Variants in GPM6A observed in about 807,000 individuals in gnomAD.
GPM6A encodes glycoprotein M6A, also known as neuronal membrane glycoprotein M6-a.
GPM6A carries 7 observed loss-of-function variants against 32.1 expected under a neutral mutation model. The ratio of observed to expected loss-of-function variants is 0.22; its 90% confidence interval spans 0.12 to 0.41. GPM6A has a LOEUF of 0.41. Ranked by LOEUF, GPM6A falls within the 10% of genes least tolerant of loss-of-function variation. The pLI, the probability that GPM6A is intolerant of heterozygous loss-of-function variation, is 1.00. For synonymous variants in GPM6A, 130 were observed against 123.4 expected (o/e 1.05, Z -0.35); for missense variants, 235 against 347.2 (o/e 0.68, Z 2.57).
At chr4:175,676,187 C>T (rs1007183375) in intron 2 of GPM6A, among the ~76,000 whole-genome samples, 2 of 152,154 alleles carry the variant, frequency 1.3e-5, no homozygotes, top group African/African-American at 4.8e-5. Context: ...CTCCAGTTGG[C>T]TGAACTGTGA....
intron 6 of GPM6A, among the ~76,000 whole-genome samples, chr4:175,639,718 G>GT (rs987958736): frequency 6.6e-6 from 1 of 151,140 alleles, no homozygotes; most frequent in Admixed American, 6.6e-5. Context: ...ACTGACATTT[G>GT]TTTTTTTTAA....
chr4:175,801,880 AT>A (rs1734486067), intron 1 of GPM6A, among the ~76,000 whole-genome samples: 1 of 152,102 alleles, frequency 6.6e-6, no homozygotes, highest in Admixed American at 6.5e-5. Context: ...GGGCAAAAAT[AT>A]TTTTGATATT....
At chr4:175,818,882 G>C (rs1735192470) in intron 1 of GPM6A, among the ~76,000 whole-genome samples, 1 of 152,146 alleles carries the variant, frequency 6.6e-6, no homozygotes, top group Non-Finnish European at 1.5e-5. Flanking sequence ...CTTTCCTCTA[G>C]GAAGGGAAAG....
At chr4:175,914,480 G>A (rs1579622507) in intron 1 of GPM6A, among the ~76,000 whole-genome samples, 4 of 151,964 alleles carry the variant, frequency 2.6e-5, no homozygotes, top group East Asian at 1.9e-4. Flanking sequence ...ATGCCACCAC[G>A]ACCAGTTAAT....
intron 1 of GPM6A, among the ~76,000 whole-genome samples, chr4:175,953,623 C>T (rs1243300607): frequency 1.3e-5 from 2 of 152,108 alleles, no homozygotes; most frequent in Non-Finnish European, 2.9e-5. Context: ...CCATGGAGGT[C>T]GGGCGCAGTG....
intron 2 of GPM6A, among the ~76,000 whole-genome samples, chr4:175,691,936 C>T (rs1744322799): frequency 6.6e-6 from 1 of 152,152 alleles, no homozygotes; most frequent in African/African-American, 2.4e-5. Flanking sequence ...GGACAGGGAC[C>T]ATGAGCCAAG....
intron 1 of GPM6A, among the ~76,000 whole-genome samples, chr4:175,819,383 T>C (rs1171903294): frequency 6.6e-6 from 1 of 152,146 alleles, no homozygotes; most frequent in Admixed American, 6.5e-5. Flanking sequence ...ACAGGACAGA[T>C]GTAGTTTCCT....
intron 1 of GPM6A, among the ~76,000 whole-genome samples, chr4:175,946,239 A>G (rs1487799431): frequency 2.0e-5 from 3 of 152,252 alleles, no homozygotes; most frequent in Non-Finnish European, 4.4e-5. Flanking sequence ...CAACTAAGAC[A>G]AGGCACCAAA....
At chr4:175,858,482 A>C (rs1736481099) in intron 1 of GPM6A, among the ~76,000 whole-genome samples, 1 of 151,828 alleles carries the variant, frequency 6.6e-6, no homozygotes, top group Non-Finnish European at 1.5e-5. Context: ...CAGTGATCTG[A>C]GACCATGCTG....
At chr4:175,873,104 T>C (rs1027839288) in intron 1 of GPM6A, among the ~76,000 whole-genome samples, 2 of 152,106 alleles carry the variant, frequency 1.3e-5, no homozygotes, top group Non-Finnish European at 2.9e-5. Flanking sequence ...ATTGATTAGA[T>C]AGATAGATAT....
chr4:175,922,861 C>A (rs1007147845), intron 1 of GPM6A, among the ~76,000 whole-genome samples: 1 of 152,094 alleles, frequency 6.6e-6, no homozygotes, highest in African/African-American at 2.4e-5. Context: ...TTCAACTTTT[C>A]TTTTCCTATC....
chr4:175,984,038 C>T (rs1740895061), intron 1 of GPM6A, among the ~76,000 whole-genome samples: 2 of 151,948 alleles, frequency 1.3e-5, no homozygotes, highest in South Asian at 4.2e-4. Flanking sequence ...CACACACACA[C>T]ACTCACACAC....
chr4:175,922,288 T>C (rs1281289289), intron 1 of GPM6A, among the ~76,000 whole-genome samples: 1 of 152,206 alleles, frequency 6.6e-6, no homozygotes, highest in Non-Finnish European at 1.5e-5. Context: ...AAATGTCCTA[T>C]AAGTCCCACA....
chr4:175,643,006 C>T (rs748199121), intron 4 of GPM6A, among the ~76,000 whole-genome samples: 5 of 152,030 alleles, frequency 3.3e-5, no homozygotes, highest in African/African-American at 4.8e-5. Context: ...AAAAGAAATT[C>T]CTCCTTGAAT....
intron 3 of GPM6A, among the ~76,000 whole-genome samples, chr4:175,660,231 C>G (rs1304097860): frequency 6.6e-6 from 1 of 151,938 alleles, no homozygotes; most frequent in Non-Finnish European, 1.5e-5. Context: ...AACCCCGTCT[C>G]TACTAAAAAT....
At chr4:175,807,074 G>T (rs1734725313) in intron 1 of GPM6A, 1 of 152,124 alleles carries the variant, frequency 6.6e-6, no homozygotes, top group Non-Finnish European at 1.5e-5. Flanking sequence ...TTAGCCACTA[G>T]TCTACAGACT....
intron 1 of GPM6A, among the ~76,000 whole-genome samples, chr4:175,911,474 C>T (rs1172217638): frequency 6.6e-6 from 1 of 152,074 alleles, no homozygotes; most frequent in African/African-American, 2.4e-5. Context: ...CATTTTAGCA[C>T]TCTGTGTAAA....
At chr4:175,720,010 C>A (rs1348076555) in intron 1 of GPM6A, among the ~76,000 whole-genome samples, 1 of 152,178 alleles carries the variant, frequency 6.6e-6, no homozygotes, top group African/African-American at 2.4e-5. Flanking sequence ...CTATTACAAT[C>A]TGCCTGAGCA....
intron 1 of GPM6A, among the ~76,000 whole-genome samples, chr4:175,808,033 A>G (rs1734766075): frequency 6.6e-6 from 1 of 152,242 alleles, no homozygotes; most frequent in Non-Finnish European, 1.5e-5. Context: ...TGAAATCACC[A>G]GGCAGTATAG....
Sources: gnomAD v4.1 joint callset for allele counts (sites outside exome capture counted in the v4.1 genomes callset) on GRCh38, gnomAD v4.1.1 for gene constraint, MANE v1.5 for transcripts, NCBI Gene and HGNC (gene_info 2026-07-23, HGNC 2026-07-21) for gene names.